Variants in PCDH11X observed in about 807,000 individuals in gnomAD.
PCDH11X encodes the protein protocadherin 11 X-linked.
In PCDH11X, 18 loss-of-function variants were observed where a neutral mutation model predicts 53.3. That is an observed-to-expected ratio of 0.34 (90% confidence interval 0.23 to 0.50). The LOEUF (loss-of-function observed/expected upper bound fraction) is 0.50, where lower values mean the gene tolerates loss of function less well. PCDH11X is among the 20% of genes least tolerant of loss of function. The pLI is 0.98. For missense variants in PCDH11X, 570 were observed against 1,032.4 expected, an observed-to-expected ratio of 0.55 and a Z score of 6.14; for synonymous variants, 279 against 393.3, an observed-to-expected ratio of 0.71 and a Z score of 3.44.
chrX:92,420,191 TC>T (rs1179006137), intron 9 of PCDH11X, among the ~76,000 whole-genome samples: 11 of 112,028 alleles, frequency 9.8e-5, no homozygotes, highest in African/African-American at 3.6e-4. Context: ...GTTTATCTTT[TC>T]CCACAAACCT....
intron 6 of PCDH11X, among the ~76,000 whole-genome samples, chrX:92,136,692 A>G (rs1333552135): frequency 1.9e-5 from 2 of 106,777 alleles, no homozygotes; most frequent in Admixed American, 2.1e-4. Context: ...AATTACAGAA[A>G]CTGCCTACTG....
At chrX:91,969,359 G>A (rs1418684164) in intron 6 of PCDH11X, among the ~76,000 whole-genome samples, 1 of 108,534 alleles carries the variant, frequency 9.2e-6, no homozygotes, top group Non-Finnish European at 1.9e-5. Context: ...ACAAGTCTTT[G>A]CTCACTTTAT....
At chrX:92,560,144 G>A (rs1647662557) in intron 10 of PCDH11X, among the ~76,000 whole-genome samples, 1 of 112,217 alleles carries the variant, frequency 8.9e-6, no homozygotes, top group Admixed American at 9.4e-5. Context: ...GCACTGGGCA[G>A]AATTGTGAGT....
chrX:92,037,078 T>A (rs2063137493), intron 6 of PCDH11X, among the ~76,000 whole-genome samples: 1 of 111,857 alleles, frequency 8.9e-6, no homozygotes. Flanking sequence ...TTCTGGGATA[T>A]ATGTGCAGAA....
In PCDH11X at chrX:92,011,412, T is replaced by C. The variant is rs146960329; in HGVS notation, c.3033+132139T>C. Among the ~76,000 whole-genome samples, 1,025 of 112,208 alleles carry C rather than the reference T, an allele frequency of 9.1e-3. 15 individuals are homozygous for C. The highest frequency in any genetic ancestry group is 0.032 in the African/African-American group (982 of 30,838). ...TTTTTTGACTTTTTAATAATAGCCATTCCAAAAAGTCACTATTTTTATCCA... is the reference window on the plus strand; with the variant it reads ...TTTTTTGACTTTTTAATAATAGCCACTCCAAAAAGTCACTATTTTTATCCA... On this transcript the variant is annotated intron_variant, in intron 6 of 10. Transcript: ENST00000682573.
chrX:92,185,348 C>G (rs2066072729), intron 6 of PCDH11X, among the ~76,000 whole-genome samples: 1 of 111,212 alleles, frequency 9.0e-6, no homozygotes, highest in South Asian at 3.7e-4. Context: ...TCGCCATATC[C>G]AAAAAGCAAC....
chrX:92,097,219 C>A (rs1158773179), intron 6 of PCDH11X, among the ~76,000 whole-genome samples: 5 of 110,023 alleles, frequency 4.5e-5, no homozygotes, highest in Non-Finnish European at 7.6e-5. Context: ...GAGTTTGAGA[C>A]CAGCCTGGGA....
intron 7 of PCDH11X, among the ~76,000 whole-genome samples, chrX:92,221,561 G>C (rs2066880855): frequency 9.0e-6 from 1 of 111,318 alleles, no homozygotes; most frequent in Non-Finnish European, 1.9e-5. Context: ...TATTTGATCA[G>C]CATGTTATAT....
At chrX:92,141,555 G>T (rs1603033790) in intron 6 of PCDH11X, among the ~76,000 whole-genome samples, 1 of 111,914 alleles carries the variant, frequency 8.9e-6, no homozygotes, top group African/African-American at 3.2e-5. Context: ...CATATTGTTT[G>T]TGAGATACTT....
chrX:92,449,604 T>A, intron 9 of PCDH11X, among the ~76,000 whole-genome samples: 1 of 111,832 alleles, frequency 8.9e-6, no homozygotes, highest in East Asian at 2.8e-4. Flanking sequence ...CACAAAAAAA[T>A]AATGATAGAG....
chrX:92,529,842 T>A (rs984892828), intron 10 of PCDH11X, among the ~76,000 whole-genome samples: 7 of 107,662 alleles, frequency 6.5e-5, no homozygotes, highest in Non-Finnish European at 1.2e-4. Flanking sequence ...AATAATGACA[T>A]CCATTATTGA....
At chrX:92,290,947 G>A (rs1336819112) in intron 8 of PCDH11X, among the ~76,000 whole-genome samples, 3 of 96,857 alleles carry the variant, frequency 3.1e-5, no homozygotes, top group Non-Finnish European at 4.1e-5. Flanking sequence ...TGTAACTCAC[G>A]TTGGAGTGCA....
intron 5 of PCDH11X, among the ~76,000 whole-genome samples, chrX:91,848,103 A>G (rs777436561): frequency 8.9e-6 from 1 of 112,144 alleles, no homozygotes; most frequent in East Asian, 2.8e-4. Flanking sequence ...GCCTGAAGAC[A>G]GGATGAGATA....
rs141583452 is a variant in PCDH11X, at chrX:92,513,781, T to C, written c.3367+45459T>C. ...GAAGTATAAATTATATACCAGGAAA[T>C]TCACCTATTATAAATGTACAATTCA... is the stretch of plus-strand genomic sequence containing the variant. On this transcript the variant is annotated intron_variant, in intron 10 of 10. Coordinates refer to ENST00000682573, the MANE Select transcript of PCDH11X (RefSeq NM_032968.5). Among the ~76,000 whole-genome samples, 734 of 111,455 alleles carry C rather than the reference T, an allele frequency of 6.6e-3. 7 individuals are homozygous for C. Among genetic ancestry groups the C allele is most frequent in the African/African-American group, 0.023 (701 of 30,607 alleles).
intron 6 of PCDH11X, among the ~76,000 whole-genome samples, chrX:92,031,333 T>C (rs2063046383): frequency 9.4e-6 from 1 of 106,406 alleles, no homozygotes. Context: ...GATTATTAGA[T>C]TTTTTTTCCT....
chrX:91,807,123 T>A (rs1312266337), intron 1 of PCDH11X, among the ~76,000 whole-genome samples: 1 of 97,019 alleles, frequency 1.0e-5, no homozygotes, highest in Non-Finnish European at 2.0e-5. Context: ...GAGGATGGCT[T>A]GAGAATAGGA....
chrX:92,419,669 CTTTTTTTT>C (rs757189751), intron 9 of PCDH11X, among the ~76,000 whole-genome samples: 3 of 54,195 alleles, frequency 5.5e-5, no homozygotes, highest in African/African-American at 1.5e-4. Flanking sequence ...TCCCTCCACC[CTTTTTTTT>C]TTTTTTTTTT....
At chrX:92,206,519 T>TTTTAA (rs2066478877) in intron 7 of PCDH11X, among the ~76,000 whole-genome samples, 1 of 110,784 alleles carries the variant, frequency 9.0e-6, no homozygotes. Flanking sequence ...TTTAAAAAAT[T>TTTTAA]TTTAATTTAA....
In PCDH11X at chrX:91,915,892, A is replaced by AT. The variant is rs745386868; in HGVS notation, c.3033+36627dup. 3.6e-3 allele frequency among the ~76,000 whole-genome samples: 395 copies of AT among 110,522 alleles called. 2 individuals are homozygous for AT. The highest frequency in any genetic ancestry group is 0.012 in the African/African-American group (377 of 30,518). Reference sequence around the variant, plus strand: ...TTTCCCCAACCACTGCAGACTATACATTTTTTTTCAGCACATGGAATATCC... The same window carrying AT: ...TTTCCCCAACCACTGCAGACTATACATTTTTTTTTCAGCACATGGAATATCC... On this transcript the variant is annotated intron_variant, in intron 6 of 10. Transcript: ENST00000682573.
Sources: allele counts gnomAD v4.1 joint callset (sites outside exome capture counted in the v4.1 genomes callset), GRCh38; gene constraint gnomAD v4.1.1; transcripts MANE v1.5; gene names NCBI Gene and HGNC (gene_info 2026-07-23, HGNC 2026-07-21).